PIP5K1C: variants seen among roughly 807,000 people sequenced by gnomAD.
PIP5K1C encodes phosphatidylinositol-4-phosphate 5-kinase type 1 gamma.
Under a neutral mutation model 80.1 loss-of-function variants are expected in PIP5K1C, and 45 were observed. The observed-to-expected ratio is 0.56, with a 90% CI of 0.44 to 0.72. PIP5K1C has a LOEUF of 0.72. Among genes scored for constraint, PIP5K1C ranks in the 30% least tolerant of loss-of-function variants. PIP5K1C has a pLI of 0.00. For synonymous variants in PIP5K1C, 498 were observed against 420.1 expected, an observed-to-expected ratio of 1.19 and a Z score of -2.27; for missense variants, 753 against 954.6, an observed-to-expected ratio of 0.79 and a Z score of 2.78.
At chr19:3,665,142 G>C (rs1406368076) in intron 2 of PIP5K1C, among the ~76,000 whole-genome samples, 1 of 152,184 alleles carries the variant, frequency 6.6e-6, no homozygotes, top group Non-Finnish European at 1.5e-5. Flanking sequence ...ACCCAGAAGC[G>C]CTCACTCCAA....
chr19:3,643,089 GC>G (rs1568314803), intron 13 of PIP5K1C, 150 bp from the exon 14 acceptor site: 53 of 1,460,406 alleles, frequency 3.6e-5, no homozygotes, highest in Non-Finnish European at 4.8e-5. Flanking sequence ...TGGATGCTCC[GC>G]CCCCGCGCAC....
At chr19:3,699,309 A>T (rs1363534235) in intron 1 of PIP5K1C, among the ~76,000 whole-genome samples, 1 of 127,600 alleles carries the variant, frequency 7.8e-6, no homozygotes, top group East Asian at 2.3e-4. Context: ...CCGGGAGGGA[A>T]GCCACGAGTG....
rs561346539 is a variant in PIP5K1C, at chr19:3,637,554, C to G, written c.1920+1330G>C. Reference sequence around the variant, plus strand: ...CACTTACAGTCCCCGAGGCGCTCAGCGTCACGGCCCGCAGTCGGCGATGGC... The same window carrying G: ...CACTTACAGTCCCCGAGGCGCTCAGGGTCACGGCCCGCAGTCGGCGATGGC... On this transcript the variant is annotated intron_variant, in intron 16 of 17. Transcript: ENST00000335312. This position sits in a 1 kb window ranked among gnomAD's most constrained non-coding sequence, Gnocchi z 7.0. 2.3e-4 allele frequency: 353 copies of G among 1,530,960 alleles called. No homozygotes were observed. The African/African-American group carries it at 4.4e-3, about 19-fold the overall frequency. The allele number at this position is 1,530,960 out of a possible 1,614,324, so 94.8% of individuals were successfully genotyped here.
intron 3 of PIP5K1C, among the ~76,000 whole-genome samples, chr19:3,662,866 CG>C (rs2034883544): frequency 6.8e-6 from 1 of 147,472 alleles, no homozygotes; most frequent in South Asian, 2.2e-4. Context: ...ACGCCGGCCC[CG>C]TTATTATTTT....
intron 16 of PIP5K1C, among the ~76,000 whole-genome samples, chr19:3,633,951 T>C (rs1225123844): frequency 6.6e-6 from 1 of 152,136 alleles, no homozygotes; most frequent in Non-Finnish European, 1.5e-5. Flanking sequence ...ATGGGGGTCC[T>C]GGGAGGTCGG....
chr19:3,645,708 G>A (rs1305752599), intron 11 of PIP5K1C, among the ~76,000 whole-genome samples: 2 of 152,260 alleles, frequency 1.3e-5, no homozygotes, highest in African/African-American at 4.8e-5. Flanking sequence ...AGAGGCAGGT[G>A]CCTGCTCAAG....
At position 3,643,111 on chromosome 19, in the gene PIP5K1C, T is replaced by G; in HGVS notation, c.1649+132A>C. 2.0e-6 allele frequency: 3 copies of G among 1,465,328 alleles called. No homozygotes were observed. In the East Asian group the frequency reaches 6.9e-5, roughly 34 times the overall value. 90.8% of individuals were successfully genotyped at this position (1,465,328 alleles called of 1,614,324 possible). Reference sequence around the variant, plus strand: ...TCCGCCCCCGCGCACCCACATGCAGTGTATGTACATCCACCGTACATACGA... The same window carrying G: ...TCCGCCCCCGCGCACCCACATGCAGGGTATGTACATCCACCGTACATACGA... On this transcript the variant is annotated intron_variant, in intron 13 of 17. Transcript: ENST00000335312.
At position 3,633,539 on chromosome 19, in the gene PIP5K1C, T is replaced by C; in HGVS notation, c.1921-19A>G. The C allele has an allele frequency of 2.0e-6, 3 of 1,467,480 alleles. No individual in the cohort carries two copies. The highest frequency in any genetic ancestry group is 2.3e-5 in the Admixed American group (1 of 44,306). The allele number at this position is 1,467,480 out of a possible 1,614,324, so 90.9% of individuals were successfully genotyped here. On this transcript the variant is annotated intron_variant, in intron 16 of 17. Coordinates refer to ENST00000335312, the MANE Select transcript of PIP5K1C (RefSeq NM_012398.3). ...CGGTGGGCTGGCAGGTGGGCGCGCG[T>C]GCAGGAGGGCGCGGAAGAGCAGGGT...
chr19:3,637,443 C>CAT lies in PIP5K1C; in HGVS notation c.1920+1440_1920+1441insAT. ...AGCCCTTCTGGAAAACAACTGACGT[C>CAT]AGACACTGAGCTTCCGGCCGGGGAC... On this transcript the variant is annotated intron_variant, in intron 16 of 17. Transcript: ENST00000335312. This position sits in a 1 kb window ranked among gnomAD's most constrained non-coding sequence, Gnocchi z 7.0. The CAT allele has an allele frequency of 6.5e-7, 1 of 1,535,700 alleles. No individual in the cohort carries two copies. Among genetic ancestry groups the CAT allele is most frequent in the Non-Finnish European group, 8.7e-7 (1 of 1,146,824 alleles).
At position 3,692,695 on chromosome 19, in the gene PIP5K1C, G is replaced by T. The variant is rs956340510; in HGVS notation, c.94+7602C>A. Among the ~76,000 whole-genome samples the T allele has an allele frequency of 1.4e-4, 22 of 151,902 alleles. No homozygotes were observed. Among genetic ancestry groups the T allele is most frequent in the African/African-American group, 4.1e-4 (17 of 41,352 alleles). ...CTCCCCACAGCAGCCACCAGGGGGT[G>T]CCTGTGAGCTCCTGAGTCTCGCCCA... On this transcript the variant is annotated intron_variant, in intron 1 of 17. Transcript: ENST00000335312. The surrounding 1 kb of genome is among the most constrained non-coding windows in gnomAD (Gnocchi z 5.2).
At chr19:3,666,779 A>C (rs552255639) in intron 2 of PIP5K1C, among the ~76,000 whole-genome samples, 33 of 152,036 alleles carry the variant, frequency 2.2e-4, no homozygotes, top group African/African-American at 6.3e-4. Flanking sequence ...ACGCAGGCAA[A>C]CATGCACACA....
At chr19:3,697,851 C>T (rs1376616818) in intron 1 of PIP5K1C, among the ~76,000 whole-genome samples, 1 of 152,266 alleles carries the variant, frequency 6.6e-6, no homozygotes, top group Non-Finnish European at 1.5e-5. Context: ...GCATCCCAAG[C>T]CCCGGCCTTC....
intron 3 of PIP5K1C, among the ~76,000 whole-genome samples, chr19:3,663,172 T>C (rs1278263009): frequency 2.6e-5 from 4 of 151,884 alleles, no homozygotes; most frequent in Non-Finnish European, 5.9e-5. Context: ...GGCCGGCTGC[T>C]GTTATTTTTG....
chr19:3,671,787 G>A (rs755420708), intron 1 of PIP5K1C, among the ~76,000 whole-genome samples: 3 of 152,184 alleles, frequency 2.0e-5, no homozygotes, highest in Non-Finnish European at 4.4e-5. Flanking sequence ...CTCAATCCTC[G>A]CTCCCCATGA....
At chr19:3,679,088 C>T (rs1405026650) in intron 1 of PIP5K1C, among the ~76,000 whole-genome samples, 1 of 152,002 alleles carries the variant, frequency 6.6e-6, no homozygotes, top group Non-Finnish European at 1.5e-5. Flanking sequence ...CCAATTCTTT[C>T]AACTTTTCAG....
At chr19:3,663,624 G>A (rs2034911084) in intron 3 of PIP5K1C, among the ~76,000 whole-genome samples, 1 of 152,154 alleles carries the variant, frequency 6.6e-6, no homozygotes, top group Non-Finnish European at 1.5e-5. Context: ...GACCAGCCTG[G>A]GCAACATGGT....
rs770969578 is a variant in PIP5K1C at position 3,638,911 on chromosome 19, C to T, written c.1893G>A (p.Glu631=). ...GAPASQASDE[E]DAPATDIYFP... is the part of the protein sequence containing the mutation. ...AGTAGATGTCGGTGGCGGGCGCGTC[C>T]TCCTCGTCCGAGGCCTGGCTGGCAG... Residue 631 remains glutamate, a synonymous_variant, in exon 16 of 18, where the codon GAG becomes GAA. Coordinates refer to ENST00000335312, the MANE Select transcript of PIP5K1C (RefSeq NM_012398.3). The T allele has an allele frequency of 6.2e-7, 1 of 1,612,830 alleles. No homozygotes were observed. The highest frequency in any genetic ancestry group is 2.2e-5 in the East Asian group (1 of 44,864).
chr19:3,655,197 T>C (rs574007266), intron 6 of PIP5K1C, among the ~76,000 whole-genome samples: 3 of 146,906 alleles, frequency 2.0e-5, no homozygotes, highest in African/African-American at 7.6e-5. Context: ...GACAGGCAGA[T>C]CACGACATCA....
chr19:3,700,237 G>A (rs973383949), intron 1 of PIP5K1C, 60 bp downstream of exon 1: 82 of 986,848 alleles, frequency 8.3e-5, no homozygotes, highest in Admixed American at 1.6e-4. Flanking sequence ...CCGCAGCCCC[G>A]CGACTCTCGG....
Sources: allele counts gnomAD v4.1 joint callset (sites outside exome capture counted in the v4.1 genomes callset), GRCh38; gene constraint gnomAD v4.1.1; non-coding constraint Gnocchi (gnomAD v3.1); transcripts MANE v1.5; gene names NCBI Gene and HGNC (gene_info 2026-07-23, HGNC 2026-07-21).